The following NAV3 variants were observed in gnomAD, a reference collection of about 807,000 sequenced individuals.
NAV3 encodes the protein pore membrane and/or filament interacting like protein 1.
Under a neutral mutation model 244.7 loss-of-function variants are expected in NAV3, and 87 were observed. The observed-to-expected ratio is 0.36, with a 90% CI of 0.30 to 0.42. NAV3 has a LOEUF of 0.42. NAV3 is among the 20% of genes least tolerant of loss of function. The pLI is 1.00. For synonymous variants in NAV3, 1,126 were observed against 1,042.2 expected (o/e 1.08, Z -1.55); for missense variants, 2,663 against 2,893.3 (o/e 0.92, Z 1.83).
intron 2 of NAV3, among the ~76,000 whole-genome samples, chr12:77,781,969 T>G (rs1351758226): frequency 6.6e-6 from 1 of 152,144 alleles, no homozygotes; most frequent in Non-Finnish European, 1.5e-5. Flanking sequence ...CCATGTCCCA[T>G]GCACACTGAA....
chr12:77,907,826 C>A (rs1210876852), intron 1 of NAV3, among the ~76,000 whole-genome samples: 1 of 152,024 alleles, frequency 6.6e-6, no homozygotes, highest in Non-Finnish European at 1.5e-5. Context: ...TGATACTGAG[C>A]CGGTGAACAG....
At chr12:77,940,005 A>G (rs1175071380) in intron 1 of NAV3, among the ~76,000 whole-genome samples, 2 of 152,140 alleles carry the variant, frequency 1.3e-5, no homozygotes, top group African/African-American at 4.8e-5. Flanking sequence ...TGATAGAAAC[A>G]ATAAAGAGAG....
intron 2 of NAV3, among the ~76,000 whole-genome samples, chr12:77,764,494 T>G (rs182214578): frequency 6.6e-6 from 1 of 152,348 alleles, no homozygotes; most frequent in Admixed American, 6.5e-5. Context: ...AAGACAAATT[T>G]AATTTAGAAA....
intron 12 of NAV3, among the ~76,000 whole-genome samples, chr12:78,066,243 G>C (rs1408409187): frequency 6.6e-6 from 1 of 152,056 alleles, no homozygotes; most frequent in African/African-American, 2.4e-5. Flanking sequence ...TGAAGTCCCT[G>C]AGCATGTTTA....
chr12:78,207,367 A>G (rs2140110508), intron 39 of NAV3, among the ~76,000 whole-genome samples: 1 of 152,312 alleles, frequency 6.6e-6, no homozygotes, highest in East Asian at 1.9e-4. Context: ...GAGAATGTTA[A>G]TAAGTATGTC....
chr12:77,973,545 G>A (rs112454282), intron 5 of NAV3, among the ~76,000 whole-genome samples: 1,656 of 152,190 alleles, frequency 0.011, 19 homozygotes, highest in Non-Finnish European at 0.018. Context: ...TGAACGGCTT[G>A]GCTGTTCCCT....
chr12:78,073,891 T>C (rs562392593), intron 12 of NAV3, among the ~76,000 whole-genome samples: 1 of 152,330 alleles, frequency 6.6e-6, no homozygotes, highest in South Asian at 2.1e-4. Context: ...AATTTCAATT[T>C]AATACTAAAT....
chr12:77,635,161 G>T (rs1236255628), intron 2 of NAV3, among the ~76,000 whole-genome samples: 1 of 152,124 alleles, frequency 6.6e-6, no homozygotes, highest in Non-Finnish European at 1.5e-5. Context: ...CTGGGAGGCA[G>T]AGGCTGCAGT....
intron 5 of NAV3, among the ~76,000 whole-genome samples, chr12:77,981,727 A>G (rs1225238067): frequency 1.3e-5 from 2 of 151,970 alleles, no homozygotes; most frequent in East Asian, 1.9e-4. Context: ...AAAATTGCCT[A>G]CTAAAACTCA....
intron 3 of NAV3, among the ~76,000 whole-genome samples, chr12:77,959,758 T>C (rs2137805809): frequency 6.6e-6 from 1 of 151,720 alleles, no homozygotes; most frequent in South Asian, 2.1e-4. Flanking sequence ...TTATGGACTA[T>C]TGATTTTTCT....
intron 2 of NAV3, among the ~76,000 whole-genome samples, chr12:77,681,477 A>T (rs995155059): frequency 2.0e-5 from 3 of 152,178 alleles, no homozygotes; most frequent in Admixed American, 2.0e-4. Context: ...GGTGAAGGTT[A>T]CTCTATTACA....
Position 77,968,629 on chromosome 12 carries a change from C to A in NAV3, c.598C>A (p.Gln200Lys), listed in dbSNP as rs747307930. ...GTACTATCAGTCCTTGGTGGAACTT[C>A]AGCAGCGAGTTACTCACGCTTCCCC... is the stretch of plus-strand genomic sequence containing the variant. ...QQYYQSLVEL[Q>K]QRVTHASPPS... The change falls in exon 5 of 40, where the codon CAG becomes AAG. Residue 200 changes from glutamine (Q) to lysine (K), a missense_variant. Physicochemically the swap from Gln to Lys is moderately conservative, Grantham distance 53 (BLOSUM62 1). Around this residue, in one of 6 missense-constraint regions of NAV3, gnomAD observed 1,521 missense variants for 1,497.0 expected, o/e 1.02. Coordinates refer to ENST00000397909, the MANE Select transcript of NAV3 (RefSeq NM_001024383.2). The A allele has an allele frequency of 6.2e-6, 10 of 1,614,148 alleles. No homozygotes were observed. The Admixed American group carries it at 1.7e-4, about 27-fold the overall frequency.
chr12:77,859,891 T>A (rs1267017920), intron 1 of NAV3, among the ~76,000 whole-genome samples: 1 of 151,878 alleles, frequency 6.6e-6, no homozygotes, highest in African/African-American at 2.4e-5. Context: ...TCTCATTTTT[T>A]AATTTTCTCC....
At chr12:77,893,005 T>C (rs754240633) in intron 1 of NAV3, among the ~76,000 whole-genome samples, 31 of 152,150 alleles carry the variant, frequency 2.0e-4, no homozygotes, top group African/African-American at 7.2e-4. Flanking sequence ...TTCTGTGCCA[T>C]TGAGTGACAC....
At chr12:77,591,613 A>T (rs1054575554) in intron 2 of NAV3, among the ~76,000 whole-genome samples, 1 of 152,244 alleles carries the variant, frequency 6.6e-6, no homozygotes, top group Non-Finnish European at 1.5e-5. Context: ...TTGATCAGCC[A>T]TATTCAAGTG....
At chr12:77,920,261 T>C (rs1024753547) in intron 1 of NAV3, among the ~76,000 whole-genome samples, 2 of 152,072 alleles carry the variant, frequency 1.3e-5, no homozygotes, top group African/African-American at 2.4e-5. Context: ...ATTAGTGCTC[T>C]AAATCCCATA....
intron 2 of NAV3, among the ~76,000 whole-genome samples, chr12:77,754,096 A>G (rs1869001882): frequency 6.6e-6 from 1 of 152,116 alleles, no homozygotes; most frequent in Non-Finnish European, 1.5e-5. Context: ...TTTTATACGT[A>G]TTTTTGAATA....
intron 1 of NAV3, among the ~76,000 whole-genome samples, chr12:77,836,117 C>T (rs1052977897): frequency 6.6e-6 from 1 of 152,190 alleles, no homozygotes; most frequent in Non-Finnish European, 1.5e-5. Flanking sequence ...TGGGCATACA[C>T]CCAAATGAAG....
intron 2 of NAV3, among the ~76,000 whole-genome samples, chr12:77,744,174 T>C (rs1868418785): frequency 6.6e-6 from 1 of 151,932 alleles, no homozygotes; most frequent in Admixed American, 6.6e-5. Context: ...TGAGTTACTA[T>C]AAAGCTACAG....
Sources: allele counts gnomAD v4.1 joint callset (sites outside exome capture counted in the v4.1 genomes callset), GRCh38; gene constraint gnomAD v4.1.1; regional missense constraint gnomAD v4.1.1; transcripts MANE v1.5; gene names NCBI Gene and HGNC (gene_info 2026-07-23, HGNC 2026-07-21).